SNX13: variants seen among roughly 807,000 people sequenced by gnomAD.
SNX13 encodes the protein sorting nexin-13.
In SNX13, 45 loss-of-function variants were observed where a neutral mutation model predicts 133.6. The observed-to-expected ratio is 0.34, with a 90% CI of 0.27 to 0.43. The LOEUF (loss-of-function observed/expected upper bound fraction) is 0.43, where lower values mean the gene tolerates loss of function less well. SNX13 is among the 20% of genes least tolerant of loss of function. SNX13 has a pLI of 1.00. For synonymous variants in SNX13, 414 were observed against 373.9 expected (o/e 1.11, Z -1.24); for missense variants, 1,032 against 1,145.1 (o/e 0.90, Z 1.43).
chr7:17,876,391 G>A (rs764410182), intron 5 of SNX13, among the ~76,000 whole-genome samples: 1 of 152,120 alleles, frequency 6.6e-6, no homozygotes, highest in Non-Finnish European at 1.5e-5. Context: ...GACCAGCCTA[G>A]TCGACATGGT....
chr7:17,899,666 C>T (rs1173180933), intron 1 of SNX13: 1 of 151,910 alleles, frequency 6.6e-6, no homozygotes, highest in East Asian at 1.9e-4. Flanking sequence ...TTATTTTAAT[C>T]TCTTTGTTAA....
At chr7:17,842,543 A>G (rs1290773714) in intron 12 of SNX13, among the ~76,000 whole-genome samples, 1 of 152,030 alleles carries the variant, frequency 6.6e-6, no homozygotes. Context: ...AAAAATAAAA[A>G]TATGGGCAAT....
chr7:17,840,210 G>A (rs377320366), intron 12 of SNX13, among the ~76,000 whole-genome samples: 2 of 152,050 alleles, frequency 1.3e-5, no homozygotes, highest in Admixed American at 6.6e-5. Context: ...GTGAAGTCGT[G>A]TATTTCAGAA....
chr7:17,798,774 T>C lies in SNX13; in HGVS notation c.2445-16A>G, dbSNP rs771282424. On this transcript the variant is annotated splice_polypyrimidine_tract_variant and intron_variant, in intron 23 of 25. Transcript: ENST00000428135. ...AACTATTTTTCTGAAAGTAAATTAA[T>C]GTAAATGAGGAAGGTTAAAATTTTA... 45 of 1,530,428 alleles carry C rather than the reference T, an allele frequency of 2.9e-5. No homozygotes were observed. Among genetic ancestry groups the C allele is most frequent in the Admixed American group, 9.4e-5 (4 of 42,418 alleles). The allele number at this position is 1,530,428 out of a possible 1,614,324, so 94.8% of individuals were successfully genotyped here. A position where few individuals can be genotyped will look rare whatever the true frequency, so the allele number is the denominator to read the frequency against.
chr7:17,795,184 T>C (rs1458245150), intron 25 of SNX13: 1 of 151,658 alleles, frequency 6.6e-6, no homozygotes, highest in East Asian at 1.9e-4. Flanking sequence ...AGTGAGCAAA[T>C]TTGGTGTTTA....
At chr7:17,859,376 T>C (rs943392470) in intron 9 of SNX13, among the ~76,000 whole-genome samples, 1 of 151,976 alleles carries the variant, frequency 6.6e-6, no homozygotes, top group Non-Finnish European at 1.5e-5. Flanking sequence ...AAATACCAAT[T>C]CACACATACT....
At chr7:17,871,037 G>A (rs1285954451) in intron 8 of SNX13, among the ~76,000 whole-genome samples, 1 of 151,494 alleles carries the variant, frequency 6.6e-6, no homozygotes, top group African/African-American at 2.4e-5. Context: ...AGGGAGTCTG[G>A]CTCTGTCGCC....
intron 1 of SNX13, among the ~76,000 whole-genome samples, chr7:17,925,816 G>A (rs1800684137): frequency 6.6e-6 from 1 of 152,080 alleles, no homozygotes; most frequent in Admixed American, 6.6e-5. Context: ...AAAAGAAAAG[G>A]AGAAAAAGAG....
chr7:17,814,074 TC>T lies in SNX13; in HGVS notation c.2064+759del, dbSNP rs35582168. On this transcript the variant is annotated intron_variant, in intron 20 of 25. Transcript: ENST00000428135. The stretch of plus-strand genomic sequence containing the variant: ...AAGAGTGGTATAAATAATACCAGCT[TC>T]CCCCACTGCTCCTCCTGCTCCTATT... 1.4e-4 allele frequency among the ~76,000 whole-genome samples: 22 copies of T among 152,294 alleles called. No individual in the cohort carries two copies. In the East Asian group the frequency reaches 4.2e-3, roughly 29 times the overall value.
chr7:17,839,724 G>T (rs1181660754), intron 13 of SNX13, 83 bp downstream of exon 13: 25 of 1,105,766 alleles, frequency 2.3e-5, no homozygotes, highest in Non-Finnish European at 3.0e-5. Context: ...TTTCGAGGTA[G>T]TCAGCCTGGC....
In SNX13 at chr7:17,835,741, A is replaced by AG. The variant is rs546462183; in HGVS notation, c.1360-877dup. Among the ~76,000 whole-genome samples the AG allele has an allele frequency of 1.5e-3, 228 of 152,016 alleles. 1 individual carries two copies. Among genetic ancestry groups the AG allele is most frequent in the African/African-American group, 5.3e-3 (220 of 41,524 alleles). The stretch of plus-strand genomic sequence containing the variant: ...GAACAGGTAGATAAATCAAGAAAGG[A>AG]GAAAAAAAAAGTAAACATCAGGATA... On this transcript the variant is annotated intron_variant, in intron 13 of 25. Transcript: ENST00000428135.
At chr7:17,890,305 T>C (rs1460528125) in intron 5 of SNX13, 58 bp downstream of exon 5, 1 of 1,544,002 alleles carries the variant, frequency 6.5e-7, no homozygotes, top group South Asian at 1.2e-5. Flanking sequence ...TTGTTTTCCT[T>C]ACTGGTACAA....
chr7:17,820,209 T>C (rs1240828096), intron 18 of SNX13, among the ~76,000 whole-genome samples: 2 of 152,164 alleles, frequency 1.3e-5, no homozygotes, highest in Non-Finnish European at 2.9e-5. Context: ...AAATTTCATA[T>C]TAAACTAAAC....
At chr7:17,891,808 A>G (rs1009085128) in intron 3 of SNX13, among the ~76,000 whole-genome samples, 173 bp from the exon 4 acceptor site, 4 of 152,134 alleles carry the variant, frequency 2.6e-5, no homozygotes, top group Non-Finnish European at 5.9e-5. Flanking sequence ...TAACAAAATT[A>G]GACACTCCCA....
intron 12 of SNX13, 93 bp downstream of exon 12, chr7:17,845,502 A>T (rs1345906695): frequency 2.7e-6 from 2 of 752,914 alleles, no homozygotes; most frequent in Middle Eastern, 2.4e-4. Flanking sequence ...ACTTAAAAAT[A>T]GTTGAGATAC....
chr7:17,927,071 CTT>C (rs1479328537), intron 1 of SNX13, among the ~76,000 whole-genome samples: 1 of 151,854 alleles, frequency 6.6e-6, no homozygotes, highest in Non-Finnish European at 1.5e-5. Context: ...AAGATAAAAA[CTT>C]ATGTCAAATT....
At chr7:17,821,672 T>C (rs751482589) in intron 17 of SNX13, 24 bp from the exon 18 acceptor site, 1 of 1,609,022 alleles carries the variant, frequency 6.2e-7, no homozygotes, top group Non-Finnish European at 8.5e-7. Context: ...TGGGTCATAG[T>C]CAGCATATAC....
At position 17,792,868 on chromosome 7, in the gene SNX13, T is replaced by C. The variant is rs889490825; in HGVS notation, c.*1177A>G. 22 of 152,348 alleles carry C rather than the reference T, an allele frequency of 1.4e-4. No homozygotes were observed. The highest frequency in any genetic ancestry group is 7.2e-4 in the Admixed American group (11 of 15,232). 9.4% of individuals were successfully genotyped at this position (152,348 alleles called of 1,614,324 possible). On this transcript the variant is annotated 3_prime_UTR_variant, in exon 26 of 26. Transcript: ENST00000428135. ...GAGAAAGTATTTTATTTTATTGATA[T>C]AAAATTAATTTATGGGTTTAAAGGT...
intron 15 of SNX13, 151 bp from the exon 16 acceptor site, chr7:17,830,198 CA>C: frequency 1.1e-6 from 1 of 938,228 alleles, no homozygotes; most frequent in Non-Finnish European, 1.3e-6. Context: ...TGGATACTCC[CA>C]AAAACTTGAT....
Sources: gnomAD v4.1 joint callset for allele counts (sites outside exome capture counted in the v4.1 genomes callset) on GRCh38, gnomAD v4.1.1 for gene constraint, MANE v1.5 for transcripts, NCBI Gene and HGNC (gene_info 2026-07-23, HGNC 2026-07-21) for gene names.